FARS2: variants seen among roughly 807,000 people sequenced by gnomAD.
FARS2 encodes the protein phenylalanine--tRNA ligase, mitochondrial.
A neutral mutation model predicts 46.4 loss-of-function variants in FARS2; 40 were observed. The observed-to-expected ratio is 0.86, with a 90% CI of 0.67 to 1.12. The LOEUF (loss-of-function observed/expected upper bound fraction) is 1.12. Among genes scored for constraint, FARS2 ranks in the 50% most tolerant of loss-of-function variants. FARS2 has a pLI of 0.00. For missense variants in FARS2, 513 were observed against 567.9 expected, an observed-to-expected ratio of 0.90 and a Z score of 0.98; for synonymous variants, 234 against 214.9, an observed-to-expected ratio of 1.09 and a Z score of -0.78.
rs548447559 is a variant in FARS2, at chr6:5,341,053, C to T, written c.-21-27497C>T. On this transcript the variant is annotated intron_variant, in intron 1 of 6. Transcript: ENST00000274680. The stretch of plus-strand genomic sequence containing the variant: ...ATCCCAGCTACTCAGGAGGCTGAGG[C>T]AGGAGAATCGCTTGAACCAGGGAGG... Among the ~76,000 whole-genome samples the T allele has an allele frequency of 1.1e-3, 163 of 150,716 alleles. 2 individuals carry two copies. The highest frequency in any genetic ancestry group is 8.6e-3 in the South Asian group (41 of 4,740).
chr6:5,341,235 AT>A (rs70974193), intron 1 of FARS2, among the ~76,000 whole-genome samples: 7 of 10,272 alleles, frequency 6.8e-4, no homozygotes, highest in South Asian at 5.5e-3. Flanking sequence ...ATATATATAT[AT>A]TTTTTTTTTT....
At chr6:5,670,720 G>A (rs1238594289) in intron 6 of FARS2, among the ~76,000 whole-genome samples, 1 of 152,142 alleles carries the variant, frequency 6.6e-6, no homozygotes, top group Non-Finnish European at 1.5e-5. Context: ...GCACAGCACT[G>A]AAGCCCAGTT....
At chr6:5,711,681 C>T (rs1582813630) in intron 6 of FARS2, among the ~76,000 whole-genome samples, 1 of 152,318 alleles carries the variant, frequency 6.6e-6, no homozygotes, top group Admixed American at 6.5e-5. Context: ...CATTATGCAA[C>T]ATTCCTGACC....
intron 6 of FARS2, among the ~76,000 whole-genome samples, chr6:5,750,993 C>G (rs1177099092): frequency 6.6e-6 from 1 of 152,058 alleles, no homozygotes; most frequent in Non-Finnish European, 1.5e-5. Context: ...CTAAGGTGAA[C>G]TTCGTAAATA....
intron 6 of FARS2, among the ~76,000 whole-genome samples, chr6:5,702,976 C>T (rs1758533872): frequency 6.6e-6 from 1 of 152,140 alleles, no homozygotes; most frequent in African/African-American, 2.4e-5. Context: ...ACAGGCCCTG[C>T]TTTGGTTTTG....
rs144759616 is a variant in FARS2, at chr6:5,538,202, G to A, written c.905-6978G>A. On this transcript the variant is annotated intron_variant, in intron 4 of 6. Coordinates refer to ENST00000274680, the MANE Select transcript of FARS2 (RefSeq NM_006567.5). ...AAACCCTGTCAGACCTGGGTACTTGGCAACAAATTACAGCTGAGGAGTGCC... is the reference window on the plus strand; with the variant it reads ...AAACCCTGTCAGACCTGGGTACTTGACAACAAATTACAGCTGAGGAGTGCC... Among the ~76,000 whole-genome samples the A allele has an allele frequency of 5.1e-4, 77 of 151,678 alleles. 1 individual carries two copies. In the East Asian group the frequency reaches 7.6e-3, roughly 15 times the overall value.
Position 5,652,666 on chromosome 6 carries a change from G to A in FARS2, c.1217+39346G>A, listed in dbSNP as rs576169585. 2.6e-5 allele frequency among the ~76,000 whole-genome samples: 4 copies of A among 152,332 alleles called. No homozygotes were observed. The East Asian group carries it at 5.8e-4, about 22-fold the overall frequency. On this transcript the variant is annotated intron_variant, in intron 6 of 6. Transcript: ENST00000274680. ...AAAAGCAGGGGATTCTGTTGACAGA[G>A]ACCTTTGATGAGCGCTTGTTACCGT...
intron 1 of FARS2, among the ~76,000 whole-genome samples, chr6:5,300,880 T>A (rs1443051555): frequency 1.3e-5 from 2 of 152,104 alleles, no homozygotes; most frequent in East Asian, 3.9e-4. Flanking sequence ...AGATGGGGTC[T>A]TGCCATGTTG....
chr6:5,310,052 C>T (rs1165238955), intron 1 of FARS2, among the ~76,000 whole-genome samples: 8 of 151,952 alleles, frequency 5.3e-5, no homozygotes, highest in Non-Finnish European at 7.4e-5. Flanking sequence ...AATAATTGTT[C>T]AAAAATAAAC....
At chr6:5,384,418 T>C (rs1020491818) in intron 2 of FARS2, among the ~76,000 whole-genome samples, 1 of 152,230 alleles carries the variant, frequency 6.6e-6, no homozygotes, top group Non-Finnish European at 1.5e-5. Flanking sequence ...GCCACCCCAC[T>C]GAGAGCACTG....
At chr6:5,429,944 T>TC (rs1562034378) in intron 3 of FARS2, among the ~76,000 whole-genome samples, 3 of 151,968 alleles carry the variant, frequency 2.0e-5, no homozygotes, top group Admixed American at 6.5e-5. Context: ...TTTTTTTTTT[T>TC]CCCGAATCTA....
At chr6:5,663,710 T>C (rs1184105606) in intron 6 of FARS2, among the ~76,000 whole-genome samples, 1 of 152,200 alleles carries the variant, frequency 6.6e-6, no homozygotes, top group African/African-American at 2.4e-5. Flanking sequence ...CCAGTCCAGC[T>C]ATTTAGAATC....
chr6:5,337,302 A>C (rs1771230697), intron 1 of FARS2, among the ~76,000 whole-genome samples: 1 of 151,946 alleles, frequency 6.6e-6, no homozygotes, highest in Admixed American at 6.6e-5. Context: ...TTTAAGAAAA[A>C]TTCCTGGCTC....
chr6:5,250,804 G>A, the FARS2 span, among the ~76,000 whole-genome samples: 1 of 152,100 alleles, frequency 6.6e-6, no homozygotes, highest in Non-Finnish European at 1.5e-5. Context: ...CCTTTACTAT[G>A]TTCTTACATA....
chr6:5,321,330 G>T (rs1238845534), intron 1 of FARS2, among the ~76,000 whole-genome samples: 3 of 152,200 alleles, frequency 2.0e-5, no homozygotes, highest in Non-Finnish European at 2.9e-5. Context: ...CATTGGGCTT[G>T]ATGTGTTCTT....
intron 4 of FARS2, among the ~76,000 whole-genome samples, chr6:5,529,990 C>A (rs1219795389): frequency 3.9e-5 from 6 of 152,224 alleles, no homozygotes; most frequent in Admixed American, 2.6e-4. Context: ...CATGAGTAAA[C>A]CCAGCTGAGA....
At chr6:5,444,451 G>T (rs1764036244) in intron 4 of FARS2, among the ~76,000 whole-genome samples, 1 of 130,472 alleles carries the variant, frequency 7.7e-6, no homozygotes, top group African/African-American at 3.0e-5. Flanking sequence ...TGGGTGACAA[G>T]GCGTGACTCT....
chr6:5,351,197 T>G (rs563160213), intron 1 of FARS2, among the ~76,000 whole-genome samples: 1 of 152,344 alleles, frequency 6.6e-6, no homozygotes, highest in Admixed American at 6.5e-5. Context: ...CCATTATTTG[T>G]TCATCTTCAG....
rs200796769 is a variant in FARS2 at position 5,378,291 on chromosome 6, C to T, written c.612+9109C>T. On this transcript the variant is annotated intron_variant, in intron 2 of 6. Transcript: ENST00000274680. ...GTCCTCAACCACTGTGGGTGAGGGG[C>T]TCCTTCCACGGAGGCTGCTCCTGCC... is the stretch of plus-strand genomic sequence containing the variant. Among the ~76,000 whole-genome samples, 16 of 152,226 alleles carry T rather than the reference C, an allele frequency of 1.1e-4. No homozygotes were observed. The East Asian group carries it at 2.7e-3, about 26-fold the overall frequency.
Sources: allele counts gnomAD v4.1 joint callset (sites outside exome capture counted in the v4.1 genomes callset), GRCh38; gene constraint gnomAD v4.1.1; transcripts MANE v1.5; gene names NCBI Gene and HGNC (gene_info 2026-07-23, HGNC 2026-07-21).